PCDHA12: variants seen among roughly 807,000 people sequenced by gnomAD.
The protein encoded by PCDHA12 is protocadherin alpha 12, also known as protocadherin alpha-12.
PCDHA12 carries 44 observed loss-of-function variants against 60.0 expected under a neutral mutation model. That is an observed-to-expected ratio of 0.73 (90% confidence interval 0.58 to 0.94). The LOEUF (loss-of-function observed/expected upper bound fraction) is 0.94, where lower values mean the gene tolerates loss of function less well. Among genes scored for constraint, PCDHA12 ranks in the 40% least tolerant of loss-of-function variants. The pLI, the probability that PCDHA12 is intolerant of heterozygous loss-of-function variation, is 0.00. For missense variants in PCDHA12, 1,276 were observed against 1,239.7 expected (o/e 1.03, Z -0.44); for synonymous variants, 569 against 553.0 (o/e 1.03, Z -0.40).
At chr5:140,884,299 G>A in intron 1 of PCDHA12, 1 of 1,613,736 alleles carries the variant, frequency 6.2e-7, no homozygotes, top group Non-Finnish European at 8.5e-7. Context: ...AAGCGCCACA[G>A]GCTTCGTCGA....
At chr5:140,922,547 G>A (rs1269163353) in intron 1 of PCDHA12, among the ~76,000 whole-genome samples, 2 of 152,192 alleles carry the variant, frequency 1.3e-5, no homozygotes, top group Non-Finnish European at 2.9e-5. Context: ...GGCAAGGTAA[G>A]GAGAAAAGTC....
intron 3 of PCDHA12, among the ~76,000 whole-genome samples, chr5:141,006,902 A>T (rs1563704110): frequency 6.6e-6 from 1 of 152,218 alleles, no homozygotes; most frequent in Non-Finnish European, 1.5e-5. Context: ...AGATTTCTTC[A>T]GTTTGGGATG....
At chr5:141,007,977 T>A (rs564286183) in intron 3 of PCDHA12, among the ~76,000 whole-genome samples, 20 of 152,362 alleles carry the variant, frequency 1.3e-4, no homozygotes, top group African/African-American at 4.8e-4. Flanking sequence ...GTCTGTCATG[T>A]ATATATGAAA....
At position 140,982,483 on chromosome 5, in the gene PCDHA12, A is replaced by C. The variant is rs1554244276; in HGVS notation, c.2435A>C (p.His812Pro). 1.2e-5 allele frequency: 20 copies of C among 1,614,142 alleles called. No homozygotes were observed. In the South Asian group the frequency reaches 1.9e-4, roughly 15 times the overall value. The stretch of plus-strand genomic sequence containing the variant: ...TCTGTGTGTTTATTCAGCTCTGTGC[A>C]CCTAGAGGAGGCTGGCATTCTACGG... ...SLRAGMHSSV[H>P]LEEAGILRAG... The change falls in exon 3 of 4, where the codon CAC becomes CCC. Residue 812 changes from histidine to proline, a missense_variant. By Grantham distance (77) the His-to-Pro change is moderately conservative. Coordinates refer to ENST00000398631, the MANE Select transcript of PCDHA12 (RefSeq NM_018903.4).
chr5:140,943,617 T>A (rs2093532711), intron 1 of PCDHA12, among the ~76,000 whole-genome samples: 1 of 152,208 alleles, frequency 6.6e-6, no homozygotes, highest in Non-Finnish European at 1.5e-5. Context: ...TTGATTCATC[T>A]GCATAAGGAA....
At chr5:140,887,955 CT>C (rs2061644555) in intron 1 of PCDHA12, among the ~76,000 whole-genome samples, 1 of 152,088 alleles carries the variant, frequency 6.6e-6, no homozygotes, top group Non-Finnish European at 1.5e-5. Flanking sequence ...GTATAAGATT[CT>C]TTTTGTCTCT....
At chr5:140,993,894 A>G (rs1267639459) in intron 3 of PCDHA12, among the ~76,000 whole-genome samples, 2 of 152,204 alleles carry the variant, frequency 1.3e-5, no homozygotes, top group African/African-American at 4.8e-5. Flanking sequence ...TGATGTCCAT[A>G]CAACAAAAAT....
intron 1 of PCDHA12, among the ~76,000 whole-genome samples, chr5:140,954,085 C>G (rs1477637836): frequency 1.3e-5 from 2 of 152,142 alleles, no homozygotes; most frequent in African/African-American, 4.8e-5. Context: ...GCTTCCAGCT[C>G]CATCCATGTC....
intron 1 of PCDHA12, chr5:140,967,158 T>G (rs1586192830): frequency 6.2e-7 from 1 of 1,610,448 alleles, no homozygotes. Context: ...CCCGTGGCGG[T>G]GAGCGCCGTT....
intron 1 of PCDHA12, among the ~76,000 whole-genome samples, chr5:140,898,963 G>A (rs1411271866): frequency 6.6e-6 from 1 of 152,070 alleles, no homozygotes; most frequent in Non-Finnish European, 1.5e-5. Context: ...TTGTGAATGG[G>A]AGTTCACTCA....
rs1554169360 is a variant in PCDHA12, at chr5:140,877,141, G to T, written c.1669G>T (p.Asp557Tyr). ...CGTGACGCTGCAGGTGTTCGTGCTG[G>T]ACGAGAACGACAACGCGCCGGCACT... ...SNVTLQVFVLDENDNAPALLA... is the reference protein window; with the variant it reads ...SNVTLQVFVLYENDNAPALLA... The change falls in exon 1 of 4, where the codon GAC becomes TAC. Residue 557 changes from aspartate (D) to tyrosine (Y), a missense_variant. Coordinates refer to ENST00000398631, the MANE Select transcript of PCDHA12 (RefSeq NM_018903.4). 2 of 1,613,680 alleles carry T rather than the reference G, an allele frequency of 1.2e-6. No individual in the cohort carries two copies. The highest frequency in any genetic ancestry group is 1.3e-5 in the African/African-American group (1 of 74,940).
intron 1 of PCDHA12, among the ~76,000 whole-genome samples, chr5:140,904,286 T>A (rs2071021710): frequency 6.6e-6 from 1 of 152,150 alleles, no homozygotes; most frequent in South Asian, 2.1e-4. Context: ...ATGTGGTGTT[T>A]GGTTTTCCAT....
chr5:141,008,300 C>G (rs1272725012), intron 3 of PCDHA12, among the ~76,000 whole-genome samples: 3 of 152,162 alleles, frequency 2.0e-5, no homozygotes, highest in African/African-American at 7.2e-5. Context: ...GTACCCAACC[C>G]TAAACTGTAA....
intron 1 of PCDHA12, among the ~76,000 whole-genome samples, chr5:140,974,864 C>A (rs949061887): frequency 3.9e-5 from 6 of 152,124 alleles, no homozygotes; most frequent in Non-Finnish European, 8.8e-5. Flanking sequence ...TGCCTTAATG[C>A]GGAACAGTCT....
Position 140,877,684 on chromosome 5 carries a change from A to T in PCDHA12, c.2212A>T (p.Thr738Ser). 6.2e-7 allele frequency: 1 copy of T among 1,613,768 alleles called. No individual in the cohort carries two copies. Among genetic ancestry groups the T allele is most frequent in the Non-Finnish European group, 8.5e-7 (1 of 1,179,904 alleles). Residue 738 changes from threonine to serine, a missense_variant, in exon 1 of 4, where the codon ACG becomes TCG. Transcript: ENST00000398631. ...TVSRCAPGKP[T>S]LVCSSAVGSW... ...GAGCCGGTGCGCGCCGGGCAAGCCC[A>T]CGCTGGTGTGCTCCAGCGCCGTGGG...
chr5:140,921,740 C>T (rs923518440), intron 1 of PCDHA12, among the ~76,000 whole-genome samples: 1 of 152,052 alleles, frequency 6.6e-6, no homozygotes, highest in Non-Finnish European at 1.5e-5. Flanking sequence ...AAATTATAAG[C>T]ATAACAGGAC....
chr5:140,877,867 T>A lies in PCDHA12; in HGVS notation c.2367+28T>A, dbSNP rs782120587. 4.7e-6 allele frequency: 7 copies of A among 1,490,888 alleles called. No individual in the cohort carries two copies. The Admixed American group carries it at 1.7e-4, about 37-fold the overall frequency. 92.4% of individuals were successfully genotyped at this position (1,490,888 alleles called of 1,614,324 possible). A position where few individuals can be genotyped will look rare whatever the true frequency, so the allele number is the denominator to read the frequency against. On this transcript the variant is annotated intron_variant, in intron 1 of 3. Coordinates refer to ENST00000398631, the MANE Select transcript of PCDHA12 (RefSeq NM_018903.4). ...AAGTTATTAATATTATTTAGATATA[T>A]TTGTTTCCTTGAAGAACTTCCGTTT...
chr5:140,998,708 G>A (rs2153953637), intron 3 of PCDHA12, among the ~76,000 whole-genome samples: 1 of 152,142 alleles, frequency 6.6e-6, no homozygotes, highest in South Asian at 2.1e-4. Context: ...GGGATTACAA[G>A]CTTGCACCAC....
rs781989521 is a variant in PCDHA12, at chr5:140,877,396, G to T, written c.1924G>T (p.Ala642Ser). The change falls in exon 1 of 4, where the codon GCT becomes TCT. Residue 642 changes from alanine (A) to serine (S), a missense_variant. Coordinates refer to ENST00000398631, the MANE Select transcript of PCDHA12 (RefSeq NM_018903.4). ...STTRILDEAD[A>S]PRHRLLVLVK... The stretch of plus-strand genomic sequence containing the variant: ...GACACGCATCCTGGATGAGGCGGAC[G>T]CTCCGCGCCACCGCCTGCTGGTGCT... 2.7e-5 allele frequency: 43 copies of T among 1,613,834 alleles called. No individual in the cohort carries two copies. Among genetic ancestry groups the T allele is most frequent in the South Asian group, 1.8e-4 (16 of 91,088 alleles).
Sources: gnomAD v4.1 joint callset for allele counts (sites outside exome capture counted in the v4.1 genomes callset) on GRCh38, gnomAD v4.1.1 for gene constraint, MANE v1.5 for transcripts, NCBI Gene and HGNC (gene_info 2026-07-23, HGNC 2026-07-21) for gene names.